The following ZMYM6 variants were observed in gnomAD, a reference collection of about 807,000 sequenced individuals.
ZMYM6 encodes the protein zinc finger MYM-type containing 6.
Under a neutral mutation model 134.0 loss-of-function variants are expected in ZMYM6, and 90 were observed. That is an observed-to-expected ratio of 0.67 (90% confidence interval 0.57 to 0.80). The LOEUF is 0.80. Among genes scored for constraint, ZMYM6 ranks in the 30% least tolerant of loss-of-function variants. The probability of loss-of-function intolerance (pLI) is 0.00; values close to 1 mark genes in which losing one functional copy is unlikely to be tolerated. For synonymous variants in ZMYM6, 481 were observed against 524.1 expected, an observed-to-expected ratio of 0.92 and a Z score of 1.12; for missense variants, 1,362 against 1,533.9, an observed-to-expected ratio of 0.89 and a Z score of 1.87.
intron 14 of ZMYM6, among the ~76,000 whole-genome samples, chr1:34,995,395 T>TACAC (rs144736115): frequency 6.6e-6 from 1 of 150,654 alleles, no homozygotes; most frequent in African/African-American, 2.4e-5. Flanking sequence ...TATATATATA[T>TACAC]ACACACACAC....
At chr1:35,029,107 A>C (rs1344653115) in intron 2 of ZMYM6, among the ~76,000 whole-genome samples, 1 of 152,042 alleles carries the variant, frequency 6.6e-6, no homozygotes, top group African/African-American at 2.4e-5. Context: ...CAGGAGAATC[A>C]CTTGAACCCG....
rs1454340156 is a variant in ZMYM6, at chr1:35,014,899, A to AAC, written c.604-13_604-12dup. On this transcript the variant is annotated splice_polypyrimidine_tract_variant and intron_variant, in intron 5 of 15. Transcript: ENST00000357182. ...AACTTCAAATCGAGTCTAGGAAATA[A>AAC]ACACACACATACACACACAAAATAA... 1.2e-6 allele frequency: 2 copies of AAC among 1,613,646 alleles called. No individual in the cohort carries two copies. Among genetic ancestry groups the AAC allele is most frequent in the African/African-American group, 2.7e-5 (2 of 74,894 alleles).
Position 35,009,105 on chromosome 1 carries a change from T to C in ZMYM6, c.1493-181A>G, listed in dbSNP as rs998077561. ...CAAACTCATACCACCTTTTATTTTA[T>C]TTTATTTTTTGAGACAGAGTCTCAC... is the stretch of plus-strand genomic sequence containing the variant. On this transcript the variant is annotated intron_variant, in intron 10 of 15. Transcript: ENST00000357182. Among the ~76,000 whole-genome samples, 3 of 152,192 alleles carry C rather than the reference T, an allele frequency of 2.0e-5. No individual in the cohort carries two copies. In the South Asian group the frequency reaches 6.2e-4, roughly 31 times the overall value.
intron 2 of ZMYM6, among the ~76,000 whole-genome samples, chr1:35,022,598 C>T (rs1182455586): frequency 6.6e-6 from 1 of 152,132 alleles, no homozygotes; most frequent in Non-Finnish European, 1.5e-5. Flanking sequence ...ATAGCACTGT[C>T]ATAGATGTGA....
At chr1:34,992,494 T>G in intron 14 of ZMYM6, 107 bp from the exon 15 acceptor site, 1 of 1,229,694 alleles carries the variant, frequency 8.1e-7, no homozygotes, top group Non-Finnish European at 1.1e-6. Flanking sequence ...AGAAATATAA[T>G]TCCTCTGAAA....
chr1:34,997,134 A>G (rs1640798607), intron 14 of ZMYM6, among the ~76,000 whole-genome samples: 1 of 152,228 alleles, frequency 6.6e-6, no homozygotes, highest in Non-Finnish European at 1.5e-5. Flanking sequence ...CCTACTGGCA[A>G]TAAGAATACC....
chr1:35,019,042 T>A, intron 4 of ZMYM6: 1 of 503,454 alleles, frequency 2.0e-6, no homozygotes, highest in Non-Finnish European at 3.5e-6. Flanking sequence ...GCTTTCAAGA[T>A]AACTGTTAAA....
intron 15 of ZMYM6, among the ~76,000 whole-genome samples, chr1:34,990,555 A>G (rs1472980193): frequency 3.3e-5 from 5 of 152,160 alleles, no homozygotes; most frequent in Non-Finnish European, 5.9e-5. Flanking sequence ...ATTTATCCTA[A>G]GGACATAATT....
At chr1:34,996,565 AGTGT>A (rs760721636) in intron 14 of ZMYM6, among the ~76,000 whole-genome samples, 1 of 152,152 alleles carries the variant, frequency 6.6e-6, no homozygotes, top group East Asian at 1.9e-4. Flanking sequence ...CATATATACA[AGTGT>A]GTGTGTGTAT....
intron 14 of ZMYM6, chr1:35,003,722 G>T: frequency 2.5e-6 from 1 of 404,682 alleles, no homozygotes. Flanking sequence ...CTTTTTTAAA[G>T]ACTAAGCTTG....
chr1:35,012,413 A>G lies in ZMYM6; in HGVS notation c.946+18T>C, dbSNP rs114809680. ...CAATAGTTATTAAATCTATAAATTT[A>G]TCAAATTTAAACATTACCTGAAGAA... On this transcript the variant is annotated intron_variant, in intron 7 of 15. Coordinates refer to ENST00000357182, the MANE Select transcript of ZMYM6 (RefSeq NM_007167.4). 1,566 of 1,470,224 alleles carry G rather than the reference A, an allele frequency of 1.1e-3. 13 individuals carry two copies. The African/African-American group carries it at 0.021, about 20-fold the overall frequency. The allele number at this position is 1,470,224 out of a possible 1,614,324, so 91.1% of individuals were successfully genotyped here.
chr1:35,030,495 G>A, intron 2 of ZMYM6, 52 bp downstream of exon 2: 1 of 1,552,578 alleles, frequency 6.4e-7, no homozygotes, highest in Non-Finnish European at 8.7e-7. Context: ...CAGTTGACCA[G>A]ATGGAAAAGA....
At chr1:35,012,108 CA>C (rs1182501626) in intron 7 of ZMYM6, 103 bp from the exon 8 acceptor site, 2 of 718,646 alleles carry the variant, frequency 2.8e-6, no homozygotes, top group Non-Finnish European at 4.2e-6. Flanking sequence ...AATAATATAC[CA>C]AAAAAATCAA....
Position 34,987,181 on chromosome 1 carries a change from C to T in ZMYM6, c.3901G>A (p.Gly1301Ser). 6.2e-7 allele frequency: 1 copy of T among 1,612,210 alleles called. No individual in the cohort carries two copies. The highest frequency in any genetic ancestry group is 8.5e-7 in the Non-Finnish European group (1 of 1,179,400). Reference protein sequence around the residue: ...LTESKQKNLLGSGPALRLAVT... With the variant: ...LTESKQKNLLSSGPALRLAVT... ...GCAAGTCTTAGGGCAGGGCCAGAAC[C>T]CAACAGATTTTTTTGTTTTGACTCA... is the stretch of plus-strand genomic sequence containing the variant. Residue 1301 changes from glycine to serine, a missense_variant, in exon 16 of 16, where the codon GGT becomes AGT. Around this residue, in one of 3 missense-constraint regions of ZMYM6, gnomAD observed 824 missense variants for 940.9 expected, o/e 0.88. Coordinates refer to ENST00000357182, the MANE Select transcript of ZMYM6 (RefSeq NM_007167.4).
At chr1:35,028,019 T>C (rs902565341) in intron 2 of ZMYM6, among the ~76,000 whole-genome samples, 34 of 152,024 alleles carry the variant, frequency 2.2e-4, no homozygotes, top group African/African-American at 8.2e-4. Context: ...TGTCTTCTTA[T>C]GATACTGCCT....
intron 14 of ZMYM6, among the ~76,000 whole-genome samples, chr1:35,000,280 C>A (rs149711454): frequency 2.7e-5 from 4 of 150,502 alleles, no homozygotes; most frequent in Middle Eastern, 6.8e-3. Flanking sequence ...GTCTCTGTCA[C>A]CCAAGCTGGA....
At position 35,010,803 on chromosome 1, in the gene ZMYM6, G is replaced by A. The variant is rs757994438; in HGVS notation, c.1296C>T (p.His432=). 1.3e-6 allele frequency: 2 copies of A among 1,598,704 alleles called. No individual in the cohort carries two copies. The highest frequency in any genetic ancestry group is 1.7e-6 in the Non-Finnish European group (2 of 1,174,586). ...THTVVKLKCQ[H]CNHLFATKPE... ...GTTTTGTGGCAAATAGATGGTTACA[G>A]TGCTGACACTTGAGTTTAACAACTG... Residue 432 remains histidine, a synonymous_variant, in exon 9 of 16, where the codon CAC becomes CAT. Coordinates refer to ENST00000357182, the MANE Select transcript of ZMYM6 (RefSeq NM_007167.4).
intron 1 of ZMYM6, chr1:35,031,572 A>C (rs1024323793): frequency 6.6e-6 from 1 of 152,204 alleles, no homozygotes; most frequent in African/African-American, 2.4e-5. Context: ...TGAGAACCGC[A>C]CGCTTTCCGA....
chr1:35,012,364 G>A (rs1641102658), intron 7 of ZMYM6, 67 bp downstream of exon 7: 4 of 1,299,770 alleles, frequency 3.1e-6, no homozygotes, highest in Non-Finnish European at 4.1e-6. Context: ...AACAAAATCA[G>A]AGAAAAGCAG....
Sources: gnomAD v4.1 joint callset for allele counts (sites outside exome capture counted in the v4.1 genomes callset) on GRCh38, gnomAD v4.1.1 for gene constraint, gnomAD v4.1.1 regional missense constraint, MANE v1.5 for transcripts, NCBI Gene and HGNC (gene_info 2026-07-23, HGNC 2026-07-21) for gene names.